The following NAV2 variants were observed in gnomAD, a reference collection of about 807,000 sequenced individuals.
NAV2 encodes helicase, APC down-regulated 1.
In NAV2, 54 loss-of-function variants were observed where a neutral mutation model predicts 223.2. The observed-to-expected ratio is 0.24, with a 90% confidence interval of 0.19 to 0.30. The LOEUF (loss-of-function observed/expected upper bound fraction) is 0.30, where lower values mean the gene tolerates loss of function less well. NAV2 is among the 10% of genes least tolerant of loss of function. The pLI is 1.00. For missense variants in NAV2, 2,806 were observed against 3,147.5 expected, an observed-to-expected ratio of 0.89 and a Z score of 2.60; for synonymous variants, 1,279 against 1,239.3, an observed-to-expected ratio of 1.03 and a Z score of -0.67.
intron 11 of NAV2, among the ~76,000 whole-genome samples, chr11:20,030,054 C>G (rs1157135247): frequency 6.6e-6 from 1 of 152,180 alleles, no homozygotes; most frequent in Non-Finnish European, 1.5e-5. Context: ...ATAGGGAAAC[C>G]AGCCAAGCTC....
chr11:19,759,373 G>A (rs1406370138), intron 1 of NAV2, among the ~76,000 whole-genome samples: 2 of 152,052 alleles, frequency 1.3e-5, no homozygotes, highest in Non-Finnish European at 2.9e-5. Context: ...GTGAGCCACC[G>A]TGCCTGGCAA....
intron 31 of NAV2, among the ~76,000 whole-genome samples, chr11:20,098,608 A>G (rs143215878): frequency 5.9e-5 from 9 of 152,302 alleles, no homozygotes; most frequent in Middle Eastern, 3.4e-3. Flanking sequence ...GGTTGGTAGA[A>G]TTTCCACAAG....
chr11:19,910,013 G>A (rs1056183397), intron 6 of NAV2, among the ~76,000 whole-genome samples: 3 of 152,258 alleles, frequency 2.0e-5, no homozygotes, highest in South Asian at 2.1e-4. Context: ...ACTGCCCATC[G>A]TGGGGTGATT....
chr11:19,869,027 C>G (rs775967813), intron 4 of NAV2, 30 bp downstream of exon 4: 1 of 1,604,814 alleles, frequency 6.2e-7, no homozygotes, highest in East Asian at 2.2e-5. Flanking sequence ...ACGAAGCTGC[C>G]TCTTCATCAT....
intron 1 of NAV2, among the ~76,000 whole-genome samples, chr11:19,720,675 C>T (rs531799488): frequency 1.1e-4 from 17 of 152,178 alleles, no homozygotes; most frequent in East Asian, 1.9e-4. Flanking sequence ...ATACTAGTCA[C>T]GGATATCGAT....
At chr11:19,620,123 C>G (rs919193211) in intron 1 of NAV2, among the ~76,000 whole-genome samples, 24 of 152,250 alleles carry the variant, frequency 1.6e-4, no homozygotes, top group Middle Eastern at 6.8e-3. Flanking sequence ...ATCTATATCT[C>G]TGTTTTGGTA....
chr11:20,107,057 ATTTTTTTTTTTTTTTTTTTT>A (rs10590815), intron 35 of NAV2, among the ~76,000 whole-genome samples: 6 of 27,228 alleles, frequency 2.2e-4, no homozygotes, highest in Non-Finnish European at 3.3e-4. Context: ...ATGGGCTTCC[ATTTTTTTTTTTTTTTTTTTT>A]TTTTTTTTTT....
intron 1 of NAV2, among the ~76,000 whole-genome samples, chr11:19,602,700 G>A (rs184404643): frequency 3.5e-4 from 53 of 152,290 alleles, no homozygotes; most frequent in African/African-American, 1.2e-3. Flanking sequence ...GCGTCTCGTG[G>A]CTGTGACAGC....
intron 1 of NAV2, among the ~76,000 whole-genome samples, chr11:19,460,865 G>C (rs906668751): frequency 6.6e-6 from 1 of 152,066 alleles, no homozygotes; most frequent in African/African-American, 2.4e-5. Flanking sequence ...GGCAGCCCTG[G>C]GGTAGATGTT....
In NAV2 at chr11:20,045,305, T is replaced by C; in HGVS notation, c.3537T>C (p.Tyr1179=). Reference sequence around the variant, plus strand: ...GGGCTCAGAATCAGGATGACGGGTATCTAGCCCTAAGCTCCCGGACAAACC... The same window carrying C: ...GGGCTCAGAATCAGGATGACGGGTACCTAGCCCTAAGCTCCCGGACAAACC... The part of the protein sequence containing the change: ...MDGAQNQDDG[Y]LALSSRTNLQ... The change falls in exon 14 of 38, where the codon TAT becomes TAC. Residue 1179 remains tyrosine, a synonymous_variant. Transcript: ENST00000349880. The C allele has an allele frequency of 6.2e-7, 1 of 1,614,154 alleles. No homozygotes were observed. The highest frequency in any genetic ancestry group is 8.5e-7 in the Non-Finnish European group (1 of 1,180,014).
chr11:19,917,747 G>C (rs374020492), intron 6 of NAV2, among the ~76,000 whole-genome samples: 84 of 152,278 alleles, frequency 5.5e-4, no homozygotes, highest in African/African-American at 1.9e-3. Flanking sequence ...CATGTAGCTG[G>C]GATTACAGGT....
At chr11:19,777,386 G>A (rs1414199203) in intron 1 of NAV2, 15 of 436,568 alleles carry the variant, frequency 3.4e-5, no homozygotes, top group Non-Finnish European at 5.9e-5. Context: ...CCTGCCGGGC[G>A]CGCGGGCAGG....
intron 1 of NAV2, among the ~76,000 whole-genome samples, chr11:19,529,044 G>A (rs1392961214): frequency 1.3e-5 from 2 of 152,066 alleles, no homozygotes; most frequent in East Asian, 1.9e-4. Flanking sequence ...AGAAGAAAGG[G>A]CGTTTTGGCA....
At chr11:19,834,069 C>T (rs2060097331) in intron 2 of NAV2, among the ~76,000 whole-genome samples, 1 of 152,160 alleles carries the variant, frequency 6.6e-6, no homozygotes, top group Admixed American at 6.5e-5. Flanking sequence ...GTCACAGGTC[C>T]CTACACTCAA....
chr11:19,516,987 A>G lies in NAV2; in HGVS notation c.75+165960A>G, dbSNP rs762896134. The stretch of plus-strand genomic sequence containing the variant: ...CACTTTGGGAGGCTGAGGTGGGAGG[A>G]GCAACTGAACCCAGGAGTTCATGAC... On this transcript the variant is annotated intron_variant, in intron 1 of 37. Coordinates refer to the NAV2 transcript ENST00000360655. Among the ~76,000 whole-genome samples the G allele has an allele frequency of 5.3e-5, 8 of 152,008 alleles. No individual in the cohort carries two copies. In the South Asian group the frequency reaches 6.2e-4, roughly 12 times the overall value.
intron 3 of NAV2, 64 bp from the exon 4 acceptor site, chr11:19,868,861 A>G (rs1192284690): frequency 1.3e-6 from 2 of 1,527,258 alleles, no homozygotes; most frequent in Non-Finnish European, 1.8e-6. Context: ...ATTGTTCCTC[A>G]TAAGAGATGG....
At chr11:19,585,449 A>C (rs2045864264) in intron 1 of NAV2, among the ~76,000 whole-genome samples, 1 of 152,160 alleles carries the variant, frequency 6.6e-6, no homozygotes, top group Admixed American at 6.5e-5. Context: ...TTTGCTCCTT[A>C]GTGGATGCAG....
At chr11:20,030,308 A>G (rs1025752457) in intron 11 of NAV2, among the ~76,000 whole-genome samples, 11 of 152,340 alleles carry the variant, frequency 7.2e-5, no homozygotes, top group African/African-American at 2.6e-4. Context: ...GATTCATTCA[A>G]AAGATGAAAC....
intron 1 of NAV2, among the ~76,000 whole-genome samples, chr11:19,561,671 A>G (rs954876250): frequency 6.6e-6 from 1 of 152,228 alleles, no homozygotes; most frequent in Non-Finnish European, 1.5e-5. Flanking sequence ...CCCAAATTCC[A>G]TAGCCTGTGG....
Sources: gnomAD v4.1 joint callset for allele counts (sites outside exome capture counted in the v4.1 genomes callset) on GRCh38, gnomAD v4.1.1 for gene constraint, MANE v1.5 for transcripts, NCBI Gene and HGNC (gene_info 2026-07-23, HGNC 2026-07-21) for gene names.